The following RGS8 variants were observed in gnomAD, a reference collection of about 807,000 sequenced individuals.
RGS8 encodes the protein regulator of G-protein signaling 8.
RGS8 carries 8 observed loss-of-function variants against 21.7 expected under a neutral mutation model. That is an observed-to-expected ratio of 0.37 (90% CI 0.22 to 0.66). The LOEUF (loss-of-function observed/expected upper bound fraction) is 0.66, where lower values mean the gene tolerates loss of function less well. Ranked by LOEUF, RGS8 falls within the 30% of genes least tolerant of loss-of-function variation. The pLI is 0.59. For synonymous variants in RGS8, 80 were observed against 83.6 expected (o/e 0.96, Z 0.24); for missense variants, 157 against 217.9 (o/e 0.72, Z 1.76).
chr1:182,748,568 A>T, the RGS8 span, among the ~76,000 whole-genome samples: 13 of 152,244 alleles, frequency 8.5e-5, no homozygotes, highest in South Asian at 8.3e-4. Flanking sequence ...GATTAACACA[A>T]GAGTGCAGAT....
chr1:182,675,295 AT>A (rs1571351279), upstream of RGS8, among the ~76,000 whole-genome samples: 1 of 151,994 alleles, frequency 6.6e-6, no homozygotes, highest in African/African-American at 2.4e-5. Context: ...ATCTTGTCAT[AT>A]TTTTGAAGTA....
upstream of RGS8, among the ~76,000 whole-genome samples, chr1:182,673,389 G>A (rs145137715): frequency 7.8e-4 from 119 of 152,248 alleles, 1 homozygote; most frequent in African/African-American, 2.6e-3. Context: ...AACCCAACAT[G>A]CCAGAGGAGG....
chr1:182,668,597 C>G (rs544093395), intron 3 of RGS8, among the ~76,000 whole-genome samples: 8 of 152,272 alleles, frequency 5.3e-5, no homozygotes, highest in African/African-American at 1.7e-4. Context: ...TGAAGAGCCT[C>G]CTAGGGCTGG....
At chr1:182,723,196 A>G in the RGS8 span, among the ~76,000 whole-genome samples, 1 of 152,188 alleles carries the variant, frequency 6.6e-6, no homozygotes, top group South Asian at 2.1e-4. Flanking sequence ...TTAAAATAAA[A>G]AAGTGTTATT....
the RGS8 span, among the ~76,000 whole-genome samples, chr1:182,716,089 A>G: frequency 6.6e-6 from 1 of 151,718 alleles, no homozygotes; most frequent in Non-Finnish European, 1.5e-5. Context: ...CTAATACAAT[A>G]TAAATGGAAT....
upstream of RGS8, among the ~76,000 whole-genome samples, chr1:182,688,345 T>C (rs1664750367): frequency 6.6e-6 from 1 of 150,990 alleles, no homozygotes; most frequent in Non-Finnish European, 1.5e-5. Flanking sequence ...ACACACACTT[T>C]CTCTCTCGCT....
At chr1:182,687,400 A>G (rs899903104), upstream of RGS8, among the ~76,000 whole-genome samples, 61 of 152,230 alleles carry the variant, frequency 4.0e-4, no homozygotes, top group African/African-American at 1.4e-3. Context: ...TGCACTTGAC[A>G]ACTATTGGCT....
the RGS8 span, among the ~76,000 whole-genome samples, chr1:182,740,543 TG>T: frequency 1.4e-3 from 159 of 114,090 alleles, no homozygotes; most frequent in African/African-American, 5.2e-3. Context: ...TTTTTTTGTT[TG>T]TTTGTTTTTT....
At chr1:182,732,267 T>TACACA in the RGS8 span, among the ~76,000 whole-genome samples, 2 of 132,994 alleles carry the variant, frequency 1.5e-5, no homozygotes, top group Non-Finnish European at 3.2e-5. Context: ...TCGCTCTCTC[T>TACACA]CTCATACACA....
chr1:182,682,118 A>G (rs538761381), intron 1 of RGS8, among the ~76,000 whole-genome samples: 1 of 152,246 alleles, frequency 6.6e-6, no homozygotes, highest in Non-Finnish European at 1.5e-5. Flanking sequence ...GGAATAGAAT[A>G]GACAGGAAAA....
downstream of RGS8, chr1:182,645,767 G>T (rs1662675030): frequency 6.6e-6 from 1 of 152,174 alleles, no homozygotes; most frequent in Non-Finnish European, 1.5e-5. Context: ...TGGAGATACA[G>T]GGAAAGTATT....
chr1:182,674,117 A>G (rs1664280320), upstream of RGS8, among the ~76,000 whole-genome samples: 1 of 152,188 alleles, frequency 6.6e-6, no homozygotes, highest in Non-Finnish European at 1.5e-5. Context: ...AGGTAGTGCC[A>G]TCATAGGACA....
chr1:182,655,573 G>A (rs1157690633), intron 5 of RGS8, among the ~76,000 whole-genome samples: 4 of 152,168 alleles, frequency 2.6e-5, no homozygotes, highest in East Asian at 3.9e-4. Context: ...GAAGCTCCAC[G>A]AGTCTCAGCT....
At chr1:182,742,225 G>GC in the RGS8 span, among the ~76,000 whole-genome samples, 4 of 150,946 alleles carry the variant, frequency 2.6e-5, no homozygotes, top group African/African-American at 9.7e-5. Flanking sequence ...TGGGATGGCG[G>GC]CCGGGCAGAG....
chr1:182,747,641 G>C, the RGS8 span, among the ~76,000 whole-genome samples: 1 of 152,156 alleles, frequency 6.6e-6, no homozygotes, highest in Admixed American at 6.5e-5. Context: ...ACCCAAGAGT[G>C]GAACAAGCAA....
chr1:182,651,915 G>T (rs1202561852), intron 5 of RGS8, among the ~76,000 whole-genome samples: 3 of 152,218 alleles, frequency 2.0e-5, no homozygotes, highest in African/African-American at 4.8e-5. Flanking sequence ...TTAGCAAGGG[G>T]GGGACTCTGA....
intron 3 of RGS8, among the ~76,000 whole-genome samples, chr1:182,669,398 A>G (rs1259996531): frequency 6.6e-6 from 1 of 152,160 alleles, no homozygotes; most frequent in African/African-American, 2.4e-5. Context: ...TCACCAGTCA[A>G]TGGGAGGGCT....
At chr1:182,661,450 C>T (rs1406799201) in intron 5 of RGS8, among the ~76,000 whole-genome samples, 1 of 151,742 alleles carries the variant, frequency 6.6e-6, no homozygotes, top group Non-Finnish European at 1.5e-5. Context: ...CCTTCACCTT[C>T]ACCTTAAAAC....
the RGS8 span, among the ~76,000 whole-genome samples, chr1:182,690,475 T>C: frequency 6.6e-6 from 1 of 152,212 alleles, no homozygotes; most frequent in Non-Finnish European, 1.5e-5. Context: ...CATATAGGCA[T>C]GGATGTTTAA....
Sources: gnomAD v4.1 joint callset for allele counts (sites outside exome capture counted in the v4.1 genomes callset) on GRCh38, gnomAD v4.1.1 for gene constraint, MANE v1.5 for transcripts, NCBI Gene and HGNC (gene_info 2026-07-23, HGNC 2026-07-21) for gene names.